RGS6: variants seen among roughly 807,000 people sequenced by gnomAD.
RGS6 encodes regulator of G-protein signaling 6.
A neutral mutation model predicts 78.5 loss-of-function variants in RGS6; 30 were observed. The observed-to-expected ratio is 0.38, with a 90% CI of 0.29 to 0.52. RGS6 has a LOEUF of 0.52. Ranked by LOEUF, RGS6 falls within the 20% of genes least tolerant of loss-of-function variation. RGS6 has a pLI of 0.85. For synonymous variants in RGS6, 206 were observed against 206.0 expected, an observed-to-expected ratio of 1.00 and a Z score of 0.00; for missense variants, 495 against 609.7, an observed-to-expected ratio of 0.81 and a Z score of 1.98.
chr14:72,549,416 G>A (rs777718542), intron 17 of RGS6, among the ~76,000 whole-genome samples: 17 of 152,210 alleles, frequency 1.1e-4, no homozygotes, highest in South Asian at 8.3e-4. Flanking sequence ...GGCCATGTGC[G>A]TGGGGCGTCC....
chr14:72,059,614 G>C (rs1192703722), intron 2 of RGS6, among the ~76,000 whole-genome samples: 1 of 152,120 alleles, frequency 6.6e-6, no homozygotes, highest in East Asian at 1.9e-4. Context: ...GTTATGGATG[G>C]AATGCCTGTG....
chr14:72,407,426 G>A (rs568534153), intron 3 of RGS6, among the ~76,000 whole-genome samples: 17 of 152,314 alleles, frequency 1.1e-4, no homozygotes, highest in South Asian at 6.2e-4. Context: ...TGAGTGCTAC[G>A]TGTCTGTATG....
At chr14:72,404,360 C>G (rs896827414) in intron 3 of RGS6, among the ~76,000 whole-genome samples, 2 of 152,162 alleles carry the variant, frequency 1.3e-5, no homozygotes, top group Non-Finnish European at 2.9e-5. Context: ...AAGGTGTTTG[C>G]TGAAGTTTGT....
chr14:71,994,819 C>T (rs1482530774), intron 2 of RGS6, among the ~76,000 whole-genome samples: 2 of 152,162 alleles, frequency 1.3e-5, no homozygotes, highest in African/African-American at 4.8e-5. Flanking sequence ...CTGCCAACAC[C>T]TAGGTCCCAG....
rs1309563920 is a variant in RGS6, at chr14:72,050,381, A to G, written c.84+85506A>G. Reference sequence around the variant, plus strand: ...ATGCAAAGCATGGAAGATAAATTATATTTGCTGAACAAAATGGAAATATTC... The same window carrying G: ...ATGCAAAGCATGGAAGATAAATTATGTTTGCTGAACAAAATGGAAATATTC... On this transcript the variant is annotated intron_variant, in intron 2 of 17. Transcript: ENST00000553525. Among the ~76,000 whole-genome samples, 4 of 152,194 alleles carry G rather than the reference A, an allele frequency of 2.6e-5. No individual in the cohort carries two copies. In the East Asian group the frequency reaches 7.7e-4, roughly 29 times the overall value.
At chr14:71,964,048 A>G (rs917011081) in intron 1 of RGS6, among the ~76,000 whole-genome samples, 3 of 150,954 alleles carry the variant, frequency 2.0e-5, no homozygotes, top group African/African-American at 7.3e-5. Flanking sequence ...TTTTTAAATT[A>G]TAATAATCTT....
chr14:72,061,526 G>A (rs1215506335), intron 2 of RGS6, among the ~76,000 whole-genome samples: 1 of 152,036 alleles, frequency 6.6e-6, no homozygotes, highest in Non-Finnish European at 1.5e-5. Flanking sequence ...ATAATATTGA[G>A]ATTTTGAGTA....
intron 3 of RGS6, among the ~76,000 whole-genome samples, chr14:72,375,233 T>C (rs1362284602): frequency 1.3e-5 from 2 of 152,190 alleles, no homozygotes; most frequent in South Asian, 2.1e-4. Flanking sequence ...AAAGATCTAA[T>C]AGTTGACAGT....
chr14:71,921,823 C>T, the RGS6 span, among the ~76,000 whole-genome samples: 16 of 152,226 alleles, frequency 1.1e-4, no homozygotes. Flanking sequence ...ATAAGAGGGA[C>T]TACAAAAGCG....
intron 2 of RGS6, among the ~76,000 whole-genome samples, chr14:72,076,729 C>T (rs954865820): frequency 4.6e-5 from 7 of 151,960 alleles, no homozygotes; most frequent in African/African-American, 7.3e-5. Context: ...CATGGTCTTA[C>T]TATGTTGCCC....
intron 2 of RGS6, among the ~76,000 whole-genome samples, chr14:72,117,457 A>G (rs1048471557): frequency 2.0e-5 from 3 of 151,644 alleles, no homozygotes; most frequent in Non-Finnish European, 4.4e-5. Flanking sequence ...TTTCACCATG[A>G]TTGTAGCTTC....
At chr14:72,031,067 A>G (rs1752311111) in intron 2 of RGS6, among the ~76,000 whole-genome samples, 1 of 151,940 alleles carries the variant, frequency 6.6e-6, no homozygotes, top group African/African-American at 2.4e-5. Context: ...GTAAGCATAA[A>G]TATATACTGA....
At chr14:72,161,049 TGCTATGCAGCCATAAAAGAG>T (rs2096845352) in intron 2 of RGS6, among the ~76,000 whole-genome samples, 1 of 152,218 alleles carries the variant, frequency 6.6e-6, no homozygotes, top group Non-Finnish European at 1.5e-5. Flanking sequence ...CACCATGGAA[TGCTATGCAGCCATAAAAGAG>T]GATGAGTTCG....
At chr14:72,142,468 A>G (rs540483812) in intron 2 of RGS6, among the ~76,000 whole-genome samples, 1 of 152,212 alleles carries the variant, frequency 6.6e-6, no homozygotes, top group Non-Finnish European at 1.5e-5. Flanking sequence ...CCAGGCCTGC[A>G]TGAAAATCAC....
rs1320573169 is a variant in RGS6 at position 72,481,546 on chromosome 14, C to G, written c.854+3217C>G. Among the ~76,000 whole-genome samples, 3 of 152,192 alleles carry G rather than the reference C, an allele frequency of 2.0e-5. No individual in the cohort carries two copies. The East Asian group carries it at 5.8e-4, about 29-fold the overall frequency. ...GGGGCTTTGCGGGAGAAAAGACTTG[C>G]TCTTCTGCACAGAATTTCTCAGATC... On this transcript the variant is annotated intron_variant, in intron 12 of 17. Transcript: ENST00000553525.
At chr14:72,111,107 T>C (rs951919597) in intron 2 of RGS6, among the ~76,000 whole-genome samples, 2 of 152,216 alleles carry the variant, frequency 1.3e-5, no homozygotes, top group African/African-American at 4.8e-5. Context: ...CTGACAGCTC[T>C]TGGAGAAGAG....
intron 3 of RGS6, among the ~76,000 whole-genome samples, chr14:72,385,969 AAGG>A (rs1286917890): frequency 1.3e-5 from 2 of 152,158 alleles, no homozygotes; most frequent in East Asian, 1.9e-4. Context: ...GAATATTCTG[AAGG>A]AGAACACGTT....
chr14:72,554,336 A>G (rs574919151), intron 17 of RGS6, among the ~76,000 whole-genome samples: 5 of 152,348 alleles, frequency 3.3e-5, no homozygotes, highest in African/African-American at 9.6e-5. Context: ...CAGGAGAATC[A>G]CATACTGCCA....
At position 72,241,946 on chromosome 14, in the gene RGS6, A is replaced by T. The variant is rs543984760; in HGVS notation, c.85-110149A>T. ...AATAATATTAACTTGCTAACTTTAT[A>T]ATTTTTGAATTCGGAAACTTGAATG... is the stretch of plus-strand genomic sequence containing the variant. On this transcript the variant is annotated intron_variant, in intron 2 of 17. Coordinates refer to ENST00000553525, the MANE Select transcript of RGS6 (RefSeq NM_001204424.2). 1.1e-4 allele frequency among the ~76,000 whole-genome samples: 16 copies of T among 152,320 alleles called. No homozygotes were observed. In the East Asian group the frequency reaches 1.9e-3, roughly 18 times the overall value.
Sources: gnomAD v4.1 joint callset for allele counts (sites outside exome capture counted in the v4.1 genomes callset) on GRCh38, gnomAD v4.1.1 for gene constraint, MANE v1.5 for transcripts, NCBI Gene and HGNC (gene_info 2026-07-23, HGNC 2026-07-21) for gene names.